Variants in ODAD2 observed in about 807,000 individuals in gnomAD.
ODAD2 encodes outer dynein arm-docking complex subunit 2.
Under a neutral mutation model 106.8 loss-of-function variants are expected in ODAD2, and 89 were observed. That is an observed-to-expected ratio of 0.83 (90% CI 0.70 to 0.99). The LOEUF (loss-of-function observed/expected upper bound fraction) is 0.99. ODAD2 is among the 50% of genes least tolerant of loss of function. The probability of loss-of-function intolerance (pLI) is 0.00; values close to 1 mark genes in which losing one functional copy is unlikely to be tolerated. For synonymous variants in ODAD2, 404 were observed against 436.2 expected (o/e 0.93, Z 0.92); for missense variants, 1,168 against 1,238.5 (o/e 0.94, Z 0.85).
rs1443105236 is a variant in ODAD2, at chr10:27,940,002, G to A, written c.1992C>T (p.Asn664=). 1 of 1,601,274 alleles carries A rather than the reference G, an allele frequency of 6.2e-7. No individual in the cohort carries two copies. Among genetic ancestry groups the A allele is most frequent in the Non-Finnish European group, 8.5e-7 (1 of 1,174,036 alleles). Residue 664 remains asparagine (N), a synonymous_variant, in exon 14 of 20, where the codon AAC becomes AAT. Coordinates refer to ENST00000305242, the MANE Select transcript of ODAD2 (RefSeq NM_018076.5). ...TTTCTGCTTTGATTGCAGCCCGGTA[G>A]TTTTCCTAGGAATAAAAACCTACAT... ...GTLQECASEE[N]YRAAIKAERI...
intron 19 of ODAD2, among the ~76,000 whole-genome samples, chr10:27,858,803 A>ATTTTTTTT (rs9299592): frequency 7.8e-6 from 1 of 128,792 alleles, no homozygotes; most frequent in Non-Finnish European, 1.6e-5. Context: ...ACCTTAGTAC[A>ATTTTTTTT]TTTTTTTTTT....
intron 7 of ODAD2, among the ~76,000 whole-genome samples, chr10:27,977,246 T>G (rs1849247184): frequency 6.6e-6 from 1 of 152,002 alleles, no homozygotes; most frequent in Non-Finnish European, 1.5e-5. Context: ...TCTTGCTCTT[T>G]GAAAGACATT....
chr10:27,936,051 C>T (rs889025767), intron 15 of ODAD2, among the ~76,000 whole-genome samples: 1 of 152,122 alleles, frequency 6.6e-6, no homozygotes, highest in Non-Finnish European at 1.5e-5. Flanking sequence ...TTTAATCTAG[C>T]CATGACTTCA....
chr10:27,848,387 G>A (rs1838961244), intron 19 of ODAD2, among the ~76,000 whole-genome samples: 1 of 152,176 alleles, frequency 6.6e-6, no homozygotes, highest in African/African-American at 2.4e-5. Flanking sequence ...AGCTGAAACT[G>A]GATCCCTTCC....
Position 27,961,892 on chromosome 10 carries a change from C to T in ODAD2, c.1239-177G>A, listed in dbSNP as rs1848169373. Among the ~76,000 whole-genome samples, 3 of 152,300 alleles carry T rather than the reference C, an allele frequency of 2.0e-5. No individual in the cohort carries two copies. The South Asian group carries it at 6.2e-4, about 32-fold the overall frequency. On this transcript the variant is annotated intron_variant, in intron 9 of 19. Coordinates refer to ENST00000305242, the MANE Select transcript of ODAD2 (RefSeq NM_018076.5). ...CCAGCCTGGACAACATAGCAAGACT[C>T]TGTCTCTACAAAAAAAATACTTAAT...
At chr10:27,834,695 A>G (rs1367896575) in intron 19 of ODAD2, among the ~76,000 whole-genome samples, 1 of 152,208 alleles carries the variant, frequency 6.6e-6, no homozygotes, top group African/African-American at 2.4e-5. Context: ...AAGAGCAGTG[A>G]CAGATTTATG....
intron 17 of ODAD2, among the ~76,000 whole-genome samples, chr10:27,875,830 T>C (rs1234669025): frequency 6.6e-6 from 1 of 152,002 alleles, no homozygotes; most frequent in African/African-American, 2.4e-5. Context: ...ACCTGGAAAA[T>C]CGGGTCACTC....
At chr10:27,895,541 G>A (rs1036114579) in intron 17 of ODAD2, among the ~76,000 whole-genome samples, 5 of 152,244 alleles carry the variant, frequency 3.3e-5, no homozygotes, top group South Asian at 4.1e-4. Flanking sequence ...CACCCGCCTC[G>A]GCCTCCCAAA....
chr10:27,900,830 A>G (rs1233544362), intron 17 of ODAD2, among the ~76,000 whole-genome samples: 1 of 152,180 alleles, frequency 6.6e-6, no homozygotes, highest in Non-Finnish European at 1.5e-5. Flanking sequence ...GACCAAACCT[A>G]CTTTTGATTG....
At chr10:27,925,680 TGA>T (rs1845204607) in intron 16 of ODAD2, among the ~76,000 whole-genome samples, 1 of 151,910 alleles carries the variant, frequency 6.6e-6, no homozygotes, top group South Asian at 2.1e-4. Context: ...ACATAGAAAT[TGA>T]GAGATAATTT....
At chr10:27,974,890 T>C (rs1849094872) in intron 7 of ODAD2, among the ~76,000 whole-genome samples, 1 of 152,160 alleles carries the variant, frequency 6.6e-6, no homozygotes, top group South Asian at 2.1e-4. Flanking sequence ...TGTTTTTCCA[T>C]TTGTTTGTGT....
intron 2 of ODAD2, among the ~76,000 whole-genome samples, chr10:27,988,286 T>C (rs1284536613): frequency 6.6e-6 from 1 of 151,942 alleles, no homozygotes; most frequent in Admixed American, 6.6e-5. Context: ...GGTTTTGTAT[T>C]ACAGGAGGCT....
rs185759676 is a variant in ODAD2 at position 27,872,338 on chromosome 10, A to G, written c.2611-9716T>C. Among the ~76,000 whole-genome samples, 1,414 of 151,798 alleles carry G rather than the reference A, an allele frequency of 9.3e-3. 39 individuals are homozygous for G. The highest frequency in any genetic ancestry group is 0.033 in the African/African-American group (1,344 of 41,226). ...TGACTTCCTCTTTTCCTAATTAAATACCCTTTATTTCTTTCTCCTGCCTGA... is the reference window on the plus strand; with the variant it reads ...TGACTTCCTCTTTTCCTAATTAAATGCCCTTTATTTCTTTCTCCTGCCTGA... On this transcript the variant is annotated intron_variant, in intron 17 of 19. Coordinates refer to ENST00000305242, the MANE Select transcript of ODAD2 (RefSeq NM_018076.5).
intron 19 of ODAD2, among the ~76,000 whole-genome samples, chr10:27,854,710 C>T (rs949734802): frequency 6.6e-5 from 10 of 151,996 alleles, no homozygotes; most frequent in South Asian, 2.1e-4. Flanking sequence ...GAGCCCAGAT[C>T]GCGCCACTGA....
rs185620371 is a variant in ODAD2 at position 27,886,785 on chromosome 10, A to G, written c.2610+20878T>C. On this transcript the variant is annotated intron_variant, in intron 17 of 19. Transcript: ENST00000305242. ...GAAAAGTGGAGTTGTATACAATTGA[A>G]ATGAAGTTACTATCAATTTAAGAGA... 8.1e-4 allele frequency among the ~76,000 whole-genome samples: 123 copies of G among 152,130 alleles called. 2 individuals are homozygous for G. Among genetic ancestry groups the G allele is most frequent in the African/African-American group, 2.7e-3 (114 of 41,564 alleles).
intron 16 of ODAD2, among the ~76,000 whole-genome samples, chr10:27,918,124 C>A (rs183917308): frequency 3.3e-4 from 50 of 151,842 alleles, no homozygotes; most frequent in Non-Finnish European, 5.6e-4. Context: ...TAATCCTACA[C>A]GAAATCTATC....
chr10:27,961,901 C>CA (rs921684183), intron 9 of ODAD2, among the ~76,000 whole-genome samples, 186 bp from the exon 10 acceptor site: 4 of 151,754 alleles, frequency 2.6e-5, no homozygotes, highest in Admixed American at 6.6e-5. Flanking sequence ...TCTGTCTCTA[C>CA]AAAAAAAATA....
At chr10:27,981,722 A>G (rs1421666586) in intron 6 of ODAD2, 140 bp from the exon 7 acceptor site, 1 of 601,318 alleles carries the variant, frequency 1.7e-6, no homozygotes, top group Non-Finnish European at 2.8e-6. Flanking sequence ...GGAAATGTAT[A>G]GGCAAAATCC....
intron 16 of ODAD2, among the ~76,000 whole-genome samples, chr10:27,912,406 T>A (rs971130628): frequency 6.6e-6 from 1 of 151,392 alleles, no homozygotes; most frequent in Admixed American, 6.6e-5. Flanking sequence ...TTTGGTTATT[T>A]AAAAAAAAAT....
Sources: allele counts gnomAD v4.1 joint callset (sites outside exome capture counted in the v4.1 genomes callset), GRCh38; gene constraint gnomAD v4.1.1; transcripts MANE v1.5; gene names NCBI Gene and HGNC (gene_info 2026-07-23, HGNC 2026-07-21).